Variants in USP39 observed in about 807,000 individuals in gnomAD.
The protein encoded by USP39 is ubiquitin carboxyl-terminal hydrolase 39.
A neutral mutation model predicts 66.4 loss-of-function variants in USP39; 38 were observed. The ratio of observed to expected loss-of-function variants is 0.57; its 90% CI spans 0.44 to 0.75. The LOEUF (loss-of-function observed/expected upper bound fraction) is 0.75. Among genes scored for constraint, USP39 ranks in the 30% least tolerant of loss-of-function variants. The probability of loss-of-function intolerance (pLI) is 0.00; values close to 1 mark genes in which losing one functional copy is unlikely to be tolerated. For synonymous variants in USP39, 303 were observed against 274.6 expected (o/e 1.10, Z -1.02); for missense variants, 608 against 714.4 (o/e 0.85, Z 1.70).
intron 10 of USP39, among the ~76,000 whole-genome samples, chr2:85,643,708 C>T (rs188171043): frequency 0.05 from 7,260 of 146,604 alleles, 218 homozygotes; most frequent in Middle Eastern, 0.11. Context: ...AGTGCGGTGG[C>T]GTTATCTCGG....
rs1215601810 is a variant in USP39, at chr2:85,639,283, G to A, written c.1176G>A (p.Thr392=). ...TMVESTFMYL[T]LDLPTAPLYK... is the part of the protein sequence containing the mutation. ...TGGAGTCCACTTTTATGTACCTGAC[G>A]CTGGACCTTCCTACTGCCCCCCTCT... Residue 392 remains threonine (T), a synonymous_variant, in exon 9 of 13, where the codon ACG becomes ACA. Coordinates refer to ENST00000323701, the MANE Select transcript of USP39 (RefSeq NM_006590.4). 2.5e-6 allele frequency: 4 copies of A among 1,613,738 alleles called. No individual in the cohort carries two copies. Among genetic ancestry groups the A allele is most frequent in the South Asian group, 1.1e-5 (1 of 91,056 alleles).
rs1335584714 is a variant in USP39, at chr2:85,639,282, C to T, written c.1175C>T (p.Thr392Met). ...GTGGAGTCCACTTTTATGTACCTGA[C>T]GCTGGACCTTCCTACTGCCCCCCTC... ...TMVESTFMYL[T>M]LDLPTAPLYK... The change falls in exon 9 of 13, where the codon ACG becomes ATG. Residue 392 changes from threonine to methionine, a missense_variant. By Grantham distance (81) the Thr-to-Met change is moderately conservative (BLOSUM62 -1). Coordinates refer to ENST00000323701, the MANE Select transcript of USP39 (RefSeq NM_006590.4). The T allele has an allele frequency of 5.0e-6, 8 of 1,613,914 alleles. No individual in the cohort carries two copies. Among genetic ancestry groups the T allele is most frequent in the East Asian group, 2.2e-5 (1 of 44,872 alleles).
intron 1 of USP39, among the ~76,000 whole-genome samples, chr2:85,616,939 C>T (rs1435567331): frequency 1.3e-5 from 2 of 152,016 alleles, no homozygotes; most frequent in Non-Finnish European, 2.9e-5. Context: ...ATCCGCCCGC[C>T]TCGGCCTCCC....
intron 5 of USP39, among the ~76,000 whole-genome samples, chr2:85,626,890 G>A (rs778007799): frequency 1.3e-5 from 2 of 151,852 alleles, no homozygotes; most frequent in Non-Finnish European, 1.5e-5. Context: ...GCTAAGTTTT[G>A]TAGAGACAGG....
chr2:85,604,197 C>T lies in USP39; in HGVS notation n.226+1116C>T, dbSNP rs1462388980. Among the ~76,000 whole-genome samples, 12 of 152,256 alleles carry T rather than the reference C, an allele frequency of 7.9e-5. No homozygotes were observed. In the East Asian group the frequency reaches 1.5e-3, roughly 20 times the overall value. Reference sequence around the variant, plus strand: ...ACCCAGTGGAAAGCAGAAATGGAAGCAGAAAACCTGTTGGAGAGCCCTTTT... The same window carrying T: ...ACCCAGTGGAAAGCAGAAATGGAAGTAGAAAACCTGTTGGAGAGCCCTTTT... On this transcript the variant is annotated intron_variant and non_coding_transcript_variant, in intron 1 of 12. Coordinates refer to the USP39 transcript ENST00000459775.
chr2:85,621,602 C>T, intron 3 of USP39, 23 bp downstream of exon 3: 2 of 1,582,846 alleles, frequency 1.3e-6, no homozygotes, highest in Non-Finnish European at 1.7e-6. Flanking sequence ...TTAGAGCTAA[C>T]TGCAGATCTG....
chr2:85,648,116 G>C (rs528728621), intron 12 of USP39, 100 bp downstream of exon 12: 1 of 1,276,566 alleles, frequency 7.8e-7, no homozygotes, highest in East Asian at 2.3e-5. Context: ...TAGGACCTTG[G>C]TTGGAGGGCC....
intron 10 of USP39, among the ~76,000 whole-genome samples, chr2:85,643,093 A>G (rs1169989905): frequency 6.6e-6 from 1 of 151,820 alleles, no homozygotes; most frequent in Non-Finnish European, 1.5e-5. Context: ...AAAAAAAATG[A>G]ATAGTTTGCT....
rs1203876086 is a variant in USP39 at position 85,631,070 on chromosome 2, A to C, written c.949+124A>C. ...CACTCTGTCACCCAGGCTGGAGTAC[A>C]ATGGCATGGTCTCAGCTCACTGCAA... On this transcript the variant is annotated intron_variant, in intron 6 of 12. Transcript: ENST00000323701. 7.0e-6 allele frequency: 6 copies of C among 861,246 alleles called. No individual in the cohort carries two copies. The East Asian group carries it at 1.6e-4, about 23-fold the overall frequency. 53.4% of individuals were successfully genotyped at this position (861,246 alleles called of 1,614,324 possible). A position where few individuals can be genotyped will look rare whatever the true frequency, so the allele number is the denominator to read the frequency against.
chr2:85,635,849 G>A (rs1675724718), intron 6 of USP39, among the ~76,000 whole-genome samples: 1 of 152,156 alleles, frequency 6.6e-6, no homozygotes, highest in South Asian at 2.1e-4. Context: ...AGCCTATGGA[G>A]AGAGTCAAGA....
upstream of USP39, chr2:85,611,709 G>A (rs1466576508): frequency 1.8e-5 from 28 of 1,592,342 alleles, no homozygotes; most frequent in Non-Finnish European, 2.2e-5. Context: ...TGGCTTGCGG[G>A]GCCGCGTCGG....
At chr2:85,604,314 A>G (rs1673133859) in intron 1 of USP39, among the ~76,000 whole-genome samples, 2 of 152,114 alleles carry the variant, frequency 1.3e-5, no homozygotes, top group Admixed American at 6.5e-5. Context: ...TGTTCAAGTG[A>G]TTCTTGTGCC....
chr2:85,633,831 CTTTTTTTTTTTTT>C (rs35970499), intron 6 of USP39, among the ~76,000 whole-genome samples: 1 of 78,970 alleles, frequency 1.3e-5, no homozygotes, highest in South Asian at 5.3e-4. Context: ...CGAGTAGTGG[CTTTTTTTTTTTTT>C]TTTTTTTTTT....
intron 2 of USP39, 118 bp from the exon 3 acceptor site, chr2:85,621,367 G>C: frequency 2.5e-6 from 2 of 798,984 alleles, no homozygotes; most frequent in Non-Finnish European, 4.2e-6. Flanking sequence ...ATATATGGTT[G>C]TGAACTGTTT....
intron 4 of USP39, 112 bp downstream of exon 4, chr2:85,623,894 C>G: frequency 8.2e-7 from 1 of 1,215,792 alleles, no homozygotes; most frequent in Non-Finnish European, 1.1e-6. Flanking sequence ...CTTTAGGCAT[C>G]GAGAGGCTGC....
upstream of USP39, chr2:85,612,325 G>A (rs982459761): frequency 1.0e-5 from 16 of 1,535,936 alleles, no homozygotes; most frequent in Non-Finnish European, 1.4e-5. Flanking sequence ...AACACAACTC[G>A]ATGCTTACGG....
intron 1 of USP39, among the ~76,000 whole-genome samples, chr2:85,606,147 G>C (rs975418599): frequency 6.6e-6 from 1 of 152,190 alleles, no homozygotes; most frequent in Non-Finnish European, 1.5e-5. Context: ...ATGGGCATGA[G>C]ATATGCCTAT....
intron 2 of USP39, 119 bp from the exon 3 acceptor site, chr2:85,621,366 T>G (rs181614180): frequency 1.3e-6 from 1 of 787,420 alleles, no homozygotes; most frequent in African/African-American, 1.7e-5. Context: ...TATATATGGT[T>G]GTGAACTGTT....
chr2:85,640,073 T>G (rs1196661720), intron 9 of USP39, among the ~76,000 whole-genome samples: 1 of 151,966 alleles, frequency 6.6e-6, no homozygotes, highest in Non-Finnish European at 1.5e-5. Flanking sequence ...GTGCTCACTT[T>G]GTTGCCCAGG....
Sources: gnomAD v4.1 joint callset for allele counts (sites outside exome capture counted in the v4.1 genomes callset) on GRCh38, gnomAD v4.1.1 for gene constraint, MANE v1.5 for transcripts, NCBI Gene and HGNC (gene_info 2026-07-23, HGNC 2026-07-21) for gene names.